PLS1: variants seen among roughly 807,000 people sequenced by gnomAD.
The protein encoded by PLS1 is plastin 1.
PLS1 carries 32 observed loss-of-function variants against 73.7 expected under a neutral mutation model. The observed-to-expected ratio is 0.43, with a 90% CI of 0.33 to 0.58. PLS1 has a LOEUF of 0.58. PLS1 is among the 20% of genes least tolerant of loss of function. The pLI is 0.04. For synonymous variants in PLS1, 217 were observed against 261.3 expected (o/e 0.83, Z 1.63); for missense variants, 633 against 740.5 (o/e 0.85, Z 1.68).
intron 1 of PLS1, 126 bp downstream of exon 1, chr3:142,596,635 C>A (rs931109344): frequency 6.6e-6 from 1 of 152,388 alleles, no homozygotes; most frequent in Non-Finnish European, 1.5e-5. Flanking sequence ...GCTCGCGTCT[C>A]GTCTCCTGGC....
chr3:142,629,028 C>T (rs1475055960), intron 1 of PLS1, among the ~76,000 whole-genome samples: 1 of 152,136 alleles, frequency 6.6e-6, no homozygotes, highest in African/African-American at 2.4e-5. Flanking sequence ...ACTTGTTCCT[C>T]ACACTTGTTT....
chr3:142,673,944 C>G (rs1029877707), intron 4 of PLS1: 2 of 152,180 alleles, frequency 1.3e-5, no homozygotes, highest in Non-Finnish European at 2.9e-5. Context: ...AAATTACAGC[C>G]ATCCTAGTGG....
chr3:142,686,359 G>C lies in PLS1; in HGVS notation c.964G>C (p.Asp322His), dbSNP rs149284875. The change falls in exon 9 of 16, where the codon GAC becomes CAC. Residue 322 changes from aspartate to histidine, a missense_variant. Coordinates refer to ENST00000457734, the MANE Select transcript of PLS1 (RefSeq NM_001145319.2). Reference sequence around the variant, plus strand: ...GGAAGATGGACCTGCCATTGCCATTGACCTTTCAGGAATTAATGTGAGTGC... The same window carrying C: ...GGAAGATGGACCTGCCATTGCCATTCACCTTTCAGGAATTAATGTGAGTGC... ...GGEDGPAIAIDLSGINETNDL... is the reference protein window; with the variant it reads ...GGEDGPAIAIHLSGINETNDL... The C allele has an allele frequency of 1.8e-5, 29 of 1,601,602 alleles. No individual in the cohort carries two copies. In the African/African-American group the frequency reaches 3.3e-4, roughly 18 times the overall value.
chr3:142,631,112 C>T (rs2036550130), intron 1 of PLS1, among the ~76,000 whole-genome samples: 1 of 151,856 alleles, frequency 6.6e-6, no homozygotes, highest in Non-Finnish European at 1.5e-5. Flanking sequence ...CATGGTGGCT[C>T]ATGTCTGTAA....
chr3:142,650,256 T>G (rs1472603881), intron 1 of PLS1, among the ~76,000 whole-genome samples: 1 of 141,552 alleles, frequency 7.1e-6, no homozygotes, highest in Non-Finnish European at 1.5e-5. Flanking sequence ...TCTCGCTCTG[T>G]CACCCAAGCT....
chr3:142,671,165 T>C, intron 4 of PLS1, 43 bp downstream of exon 4: 1 of 1,514,614 alleles, frequency 6.6e-7, no homozygotes, highest in Non-Finnish European at 9.2e-7. Flanking sequence ...CACTGATTCA[T>C]TGATTAAGTG....
At chr3:142,609,192 A>G (rs1282492689) in intron 1 of PLS1, among the ~76,000 whole-genome samples, 1 of 152,204 alleles carries the variant, frequency 6.6e-6, no homozygotes, top group Non-Finnish European at 1.5e-5. Flanking sequence ...TATACTACCA[A>G]AATATCAGAC....
intron 1 of PLS1, among the ~76,000 whole-genome samples, chr3:142,631,002 A>G (rs926925865): frequency 1.4e-5 from 2 of 142,932 alleles, no homozygotes; most frequent in Non-Finnish European, 3.0e-5. Context: ...ATTTTTGACA[A>G]GGGTCCCAAG....
At chr3:142,628,340 T>C (rs896501321) in intron 1 of PLS1, among the ~76,000 whole-genome samples, 2 of 29,104 alleles carry the variant, frequency 6.9e-5, no homozygotes, top group Non-Finnish European at 1.3e-4. Flanking sequence ...TGTGTGTGTG[T>C]GCGCGCACAT....
chr3:142,655,793 G>A (rs1451416207), intron 1 of PLS1, among the ~76,000 whole-genome samples: 2 of 151,660 alleles, frequency 1.3e-5, no homozygotes, highest in African/African-American at 4.8e-5. Flanking sequence ...TACCCCCGGT[G>A]CGCTGTTCCT....
chr3:142,661,099 A>G (rs1214099471), intron 1 of PLS1, among the ~76,000 whole-genome samples: 1 of 152,212 alleles, frequency 6.6e-6, no homozygotes, highest in Non-Finnish European at 1.5e-5. Flanking sequence ...ACAGAGATTC[A>G]AAGCCAGCCA....
chr3:142,606,307 G>A (rs982781641), intron 1 of PLS1, among the ~76,000 whole-genome samples: 4 of 152,210 alleles, frequency 2.6e-5, no homozygotes, highest in African/African-American at 9.6e-5. Flanking sequence ...GTTATGTCCT[G>A]AGGCATTAAG....
intron 1 of PLS1, among the ~76,000 whole-genome samples, chr3:142,629,803 T>C (rs2036514214): frequency 6.6e-6 from 1 of 152,178 alleles, no homozygotes; most frequent in Non-Finnish European, 1.5e-5. Flanking sequence ...AATGTTAGAC[T>C]TGATAATTCT....
intron 1 of PLS1, among the ~76,000 whole-genome samples, chr3:142,653,103 G>A (rs928391369): frequency 6.6e-6 from 1 of 152,066 alleles, no homozygotes; most frequent in East Asian, 1.9e-4. Flanking sequence ...GGTAACTGCC[G>A]CCCCTGACTT....
intron 1 of PLS1, among the ~76,000 whole-genome samples, chr3:142,603,596 T>C (rs373817319): frequency 1.7e-3 from 264 of 152,038 alleles, no homozygotes; most frequent in African/African-American, 6.1e-3. Context: ...CTGGGCAACA[T>C]GGCAAAACAT....
chr3:142,704,699 T>A (rs890759533), intron 14 of PLS1, 113 bp downstream of exon 14: 6 of 508,960 alleles, frequency 1.2e-5, no homozygotes, highest in South Asian at 5.4e-5. Context: ...CCCAGGCTGG[T>A]GTGCAGTGGC....
Position 142,664,312 on chromosome 3 carries a change from G to T in PLS1, c.70+5G>T. 6.7e-7 allele frequency: 1 copy of T among 1,492,258 alleles called. No individual in the cohort carries two copies. The allele number at this position is 1,492,258 out of a possible 1,614,324, so 92.4% of individuals were successfully genotyped here. ...AAGAGGCATTTAATAAAATAGGTAT[G>T]CTTGAGAAAAAGTAAATATGATATT... On this transcript the variant is annotated splice_donor_5th_base_variant and intron_variant, in intron 2 of 15. Transcript: ENST00000457734.
At chr3:142,706,338 T>C (rs1476037237) in intron 14 of PLS1, among the ~76,000 whole-genome samples, 1 of 152,110 alleles carries the variant, frequency 6.6e-6, no homozygotes, top group Non-Finnish European at 1.5e-5. Flanking sequence ...AATTGAATGG[T>C]CAGTGAAGAG....
chr3:142,638,114 C>G (rs932070848), intron 1 of PLS1, among the ~76,000 whole-genome samples: 12 of 152,122 alleles, frequency 7.9e-5, no homozygotes, highest in Admixed American at 7.2e-4. Context: ...GAGAATAAAA[C>G]TTTTTTATTC....
Sources: gnomAD v4.1 joint callset for allele counts (sites outside exome capture counted in the v4.1 genomes callset) on GRCh38, gnomAD v4.1.1 for gene constraint, MANE v1.5 for transcripts, NCBI Gene and HGNC (gene_info 2026-07-23, HGNC 2026-07-21) for gene names.